ATP13A3: variants seen among roughly 807,000 people sequenced by gnomAD.
The protein encoded by ATP13A3 is polyamine-transporting ATPase 13A3.
In ATP13A3, 59 loss-of-function variants were observed where a neutral mutation model predicts 158.1. The observed-to-expected ratio is 0.37, with a 90% CI of 0.30 to 0.46. The LOEUF is 0.46. Among genes scored for constraint, ATP13A3 ranks in the 20% least tolerant of loss-of-function variants. ATP13A3 has a pLI of 1.00. For missense variants in ATP13A3, 1,166 were observed against 1,525.2 expected, an observed-to-expected ratio of 0.76 and a Z score of 3.92; for synonymous variants, 491 against 504.3, an observed-to-expected ratio of 0.97 and a Z score of 0.35.
In ATP13A3 at chr3:194,460,098, T is replaced by A. The variant is rs959836624; in HGVS notation, c.226-127A>T. 1.2e-5 allele frequency: 9 copies of A among 724,226 alleles called. No individual in the cohort carries two copies. The East Asian group carries it at 2.2e-4, about 18-fold the overall frequency. The allele number at this position is 724,226 out of a possible 1,614,324, so 44.9% of individuals were successfully genotyped here. A position where few individuals can be genotyped will look rare whatever the true frequency, so the allele number is the denominator to read the frequency against. ...CTAATTGAGGAAACATCACGCCTAC[T>A]CACTAAATATTAAACCATTTCATGA... On this transcript the variant is annotated intron_variant, in intron 4 of 33. Transcript: ENST00000645319.
At chr3:194,449,983 A>AT (rs1718692483) in intron 11 of ATP13A3, among the ~76,000 whole-genome samples, 162 bp downstream of exon 11, 1 of 152,158 alleles carries the variant, frequency 6.6e-6, no homozygotes, top group South Asian at 2.1e-4. Context: ...ACAGCTGAGT[A>AT]TAATGCAGAA....
Position 194,441,478 on chromosome 3 carries a change from C to T in ATP13A3, c.1560-17G>A, listed in dbSNP as rs1343641649. Reference sequence around the variant, plus strand: ...GAAAGAAATCTAAGCAGAAGACACACTGAATTAGTTTCATAAATTCTAAGA... The same window carrying T: ...GAAAGAAATCTAAGCAGAAGACACATTGAATTAGTTTCATAAATTCTAAGA... On this transcript the variant is annotated splice_polypyrimidine_tract_variant and intron_variant, in intron 15 of 33. Transcript: ENST00000645319. The T allele has an allele frequency of 6.2e-7, 1 of 1,604,546 alleles. No homozygotes were observed. The highest frequency in any genetic ancestry group is 1.3e-5 in the African/African-American group (1 of 74,648).
chr3:194,466,341 C>G (rs1316826182), intron 2 of ATP13A3, among the ~76,000 whole-genome samples: 1 of 152,054 alleles, frequency 6.6e-6, no homozygotes, highest in Non-Finnish European at 1.5e-5. Context: ...TAACTGCTAC[C>G]TCGACTCATC....
At chr3:194,436,882 C>G (rs1278128522) in intron 20 of ATP13A3, among the ~76,000 whole-genome samples, 1 of 151,970 alleles carries the variant, frequency 6.6e-6, no homozygotes, top group Non-Finnish European at 1.5e-5. Context: ...AGCCTAGGTA[C>G]GGGGTGAGAC....
At chr3:194,429,520 A>G (rs1179755534) in intron 27 of ATP13A3, among the ~76,000 whole-genome samples, 158 bp downstream of exon 27, 1 of 152,200 alleles carries the variant, frequency 6.6e-6, no homozygotes. Flanking sequence ...AACTTTTTCA[A>G]TTTGCTATTC....
chr3:194,420,662 C>T (rs1716223908), intron 30 of ATP13A3, among the ~76,000 whole-genome samples: 1 of 152,114 alleles, frequency 6.6e-6, no homozygotes, highest in Non-Finnish European at 1.5e-5. Flanking sequence ...CTTTGTCTCA[C>T]TTTCCTAACT....
At position 194,460,834 on chromosome 3, in the gene ATP13A3, G is replaced by A. The variant is rs759447515; in HGVS notation, c.52-3C>T. The A allele has an allele frequency of 6.2e-7, 1 of 1,611,730 alleles. No homozygotes were observed. Among genetic ancestry groups the A allele is most frequent in the African/African-American group, 1.3e-5 (1 of 74,800 alleles). ...CTCAAATTGTAACCATAAATCTCCT[G>A]CATGGACACAGCGATCACATGATTA... On this transcript the variant is annotated splice_region_variant and splice_polypyrimidine_tract_variant and intron_variant, in intron 3 of 33. Transcript: ENST00000645319.
rs529650800 is a variant in ATP13A3, at chr3:194,478,328, T to C, written c.-47+7466A>G. Among the ~76,000 whole-genome samples the C allele has an allele frequency of 3.3e-5, 5 of 151,776 alleles. No homozygotes were observed. The South Asian group carries it at 1.0e-3, about 32-fold the overall frequency. ...AGCAAACAAATATCAAACAAAATGGTGACCAATGGCACCAGGGAGAAAGAG... is the reference window on the plus strand; with the variant it reads ...AGCAAACAAATATCAAACAAAATGGCGACCAATGGCACCAGGGAGAAAGAG... On this transcript the variant is annotated intron_variant, in intron 2 of 33. Transcript: ENST00000645319.
At chr3:194,454,110 A>C in intron 9 of ATP13A3, 148 bp downstream of exon 9, 1 of 863,372 alleles carries the variant, frequency 1.2e-6, no homozygotes, top group Non-Finnish European at 1.7e-6. Context: ...AACAAACAAA[A>C]AGGGAGGGGA....
At chr3:194,477,863 C>A (rs557835253) in intron 2 of ATP13A3, among the ~76,000 whole-genome samples, 172 of 152,294 alleles carry the variant, frequency 1.1e-3, no homozygotes, top group African/African-American at 2.5e-3. Flanking sequence ...GCAGACACTA[C>A]CATCCTACAG....
Position 194,483,350 on chromosome 3 carries a change from G to A in ATP13A3, c.-47+2444C>T, listed in dbSNP as rs542009934. ...AATGCCTGTAACCCTAACACTTTGG[G>A]AGGCCAAGGCAGGCAGACTGCTTCA... On this transcript the variant is annotated intron_variant, in intron 2 of 33. Transcript: ENST00000645319. Among the ~76,000 whole-genome samples, 8 of 150,266 alleles carry A rather than the reference G, an allele frequency of 5.3e-5. No homozygotes were observed. The South Asian group carries it at 1.7e-3, about 32-fold the overall frequency.
chr3:194,440,483 C>T (rs987588510), intron 16 of ATP13A3, among the ~76,000 whole-genome samples: 8 of 152,136 alleles, frequency 5.3e-5, no homozygotes, highest in Non-Finnish European at 1.0e-4. Flanking sequence ...TCGATAAGAC[C>T]CCACCAGACA....
rs397972334 is a variant in ATP13A3 at position 194,421,944 on chromosome 3, CA to C, written c.3314-1978del. On this transcript the variant is annotated intron_variant, in intron 30 of 33. Coordinates refer to ENST00000645319, the MANE Select transcript of ATP13A3 (RefSeq NM_001367549.1). Reference sequence around the variant, plus strand: ...TGGTTCTTGACATGTGTGTCGTTGGCAAAAAAAAAAAAAAAAAATTTACTCA... The same window carrying C: ...TGGTTCTTGACATGTGTGTCGTTGGCAAAAAAAAAAAAAAAAATTTACTCA... 3.4e-3 allele frequency among the ~76,000 whole-genome samples: 330 copies of C among 97,410 alleles called. 1 individual carries two copies. Among genetic ancestry groups the C allele is most frequent in the Middle Eastern group, 0.015 (3 of 206 alleles). The allele number at this position is 97,410 out of a possible 152,430, so 63.9% of individuals were successfully genotyped here. A position where few individuals can be genotyped will look rare whatever the true frequency, so the allele number is the denominator to read the frequency against.
At chr3:194,483,762 A>T (rs1720852943) in intron 2 of ATP13A3, among the ~76,000 whole-genome samples, 1 of 152,222 alleles carries the variant, frequency 6.6e-6, no homozygotes, top group Non-Finnish European at 1.5e-5. Flanking sequence ...CACCAAGAAG[A>T]AATTTAATTT....
intron 23 of ATP13A3, 40 bp from the exon 24 acceptor site, chr3:194,431,062 G>C: frequency 6.2e-7 from 1 of 1,613,284 alleles, no homozygotes; most frequent in Non-Finnish European, 8.5e-7. Flanking sequence ...ATACTGTTGC[G>C]ATGCATTCAT....
Position 194,448,521 on chromosome 3 carries a change from C to T in ATP13A3, c.1086G>A (p.Gly362=), listed in dbSNP as rs780775099. The change falls in exon 12 of 34, where the codon GGG becomes GGA. Residue 362 remains glycine, a synonymous_variant. Transcript: ENST00000645319. This position sits in a 1 kb window ranked among gnomAD's most constrained non-coding sequence, Gnocchi z 4.0. ...AGAAACGAGTCTGAATAACAGTTGT[C>T]CCACAAAACAAAGTATGTCGTTTAT... ...ETHKRHTLFC[G]TTVIQTRFYT... The T allele has an allele frequency of 1.9e-6, 3 of 1,614,042 alleles. No individual in the cohort carries two copies. The Admixed American group carries it at 5.0e-5, about 27-fold the overall frequency.
chr3:194,475,265 A>T (rs1720476845), intron 2 of ATP13A3, among the ~76,000 whole-genome samples: 1 of 152,244 alleles, frequency 6.6e-6, no homozygotes, highest in Non-Finnish European at 1.5e-5. Flanking sequence ...TCACTTCAGA[A>T]TTACTGTGCA....
chr3:194,455,962 T>C lies in ATP13A3; in HGVS notation c.561A>G (p.Arg187=). The C allele has an allele frequency of 6.6e-7, 1 of 1,515,838 alleles. No homozygotes were observed. The highest frequency in any genetic ancestry group is 9.0e-7 in the Non-Finnish European group (1 of 1,116,020). 93.9% of individuals were successfully genotyped at this position (1,515,838 alleles called of 1,614,324 possible). ...AGLTKGMHAY[R]KLLYGVNEIA... is the part of the protein sequence containing the mutation. ...TTTCATTTACTCCATAAAGCAGTTTTCTATAACAGGAAAATACATTCATAG... is the reference window on the plus strand; with the variant it reads ...TTTCATTTACTCCATAAAGCAGTTTCCTATAACAGGAAAATACATTCATAG... Residue 187 remains arginine (R), a splice_region_variant and synonymous_variant, in exon 8 of 34, where the codon AGA becomes AGG. Transcript: ENST00000645319.
intron 33 of ATP13A3, among the ~76,000 whole-genome samples, chr3:194,407,272 A>C (rs781770764): frequency 6.6e-6 from 1 of 152,212 alleles, no homozygotes; most frequent in Non-Finnish European, 1.5e-5. Context: ...CATATAAACC[A>C]GGCTACAACT....
Sources: allele counts gnomAD v4.1 joint callset (sites outside exome capture counted in the v4.1 genomes callset), GRCh38; gene constraint gnomAD v4.1.1; non-coding constraint Gnocchi (gnomAD v3.1); transcripts MANE v1.5; gene names NCBI Gene and HGNC (gene_info 2026-07-23, HGNC 2026-07-21).